The following EPHA5 variants were observed in gnomAD, a reference collection of about 807,000 sequenced individuals.
EPHA5 encodes ephrin type-A receptor 5.
Under a neutral mutation model 105.0 loss-of-function variants are expected in EPHA5, and 60 were observed. That is an observed-to-expected ratio of 0.57 (90% CI 0.46 to 0.71). EPHA5 has a LOEUF of 0.71. Among genes scored for constraint, EPHA5 ranks in the 30% least tolerant of loss-of-function variants. The pLI, the probability that EPHA5 is intolerant of heterozygous loss-of-function variation, is 0.00. For synonymous variants in EPHA5, 513 were observed against 449.1 expected (o/e 1.14, Z -1.80); for missense variants, 1,218 against 1,274.7 (o/e 0.96, Z 0.68).
intron 1 of EPHA5, among the ~76,000 whole-genome samples, chr4:65,644,728 A>C (rs1223775150): frequency 2.0e-5 from 3 of 152,070 alleles, no homozygotes; most frequent in Non-Finnish European, 2.9e-5. Context: ...TTAATGAGAC[A>C]AAAGCACGTT....
intron 3 of EPHA5, among the ~76,000 whole-genome samples, chr4:65,542,333 C>T (rs1314432351): frequency 6.6e-6 from 1 of 150,944 alleles, no homozygotes; most frequent in African/African-American, 2.4e-5. Context: ...AGATAATCCA[C>T]TAGCTAGACT....
intron 8 of EPHA5, among the ~76,000 whole-genome samples, chr4:65,377,391 C>G (rs996473969): frequency 6.6e-6 from 1 of 151,932 alleles, no homozygotes; most frequent in Non-Finnish European, 1.5e-5. Flanking sequence ...TCTAATATAT[C>G]TCTCCTCAGA....
At chr4:65,331,665 A>G in intron 16 of EPHA5, 1 of 1,116,066 alleles carries the variant, frequency 9.0e-7, no homozygotes, top group Non-Finnish European at 1.1e-6. Context: ...AGATACCAGT[A>G]TAAAAAAACT....
chr4:65,337,153 A>G (rs549937131), intron 14 of EPHA5, among the ~76,000 whole-genome samples: 1 of 152,212 alleles, frequency 6.6e-6, no homozygotes, highest in South Asian at 2.1e-4. Context: ...CACAGGTATA[A>G]AATATATAAT....
chr4:65,575,344 C>T, intron 3 of EPHA5, among the ~76,000 whole-genome samples: 1 of 152,138 alleles, frequency 6.6e-6, no homozygotes, highest in Non-Finnish European at 1.5e-5. Flanking sequence ...AAACCCCACT[C>T]CTTAACAACT....
chr4:65,380,470 C>T (rs779522649), intron 8 of EPHA5, among the ~76,000 whole-genome samples: 4 of 151,624 alleles, frequency 2.6e-5, no homozygotes, highest in Non-Finnish European at 5.9e-5. Context: ...GGTGATTATT[C>T]ATCTAGGGAA....
chr4:65,595,138 G>C (rs1743041750), intron 3 of EPHA5, among the ~76,000 whole-genome samples: 1 of 138,688 alleles, frequency 7.2e-6, no homozygotes. Context: ...TATGTTAAAT[G>C]CCACCATTTC....
chr4:65,519,926 C>T (rs966001148), intron 3 of EPHA5, among the ~76,000 whole-genome samples: 2 of 152,126 alleles, frequency 1.3e-5, no homozygotes, highest in Non-Finnish European at 2.9e-5. Flanking sequence ...TACGAAGAAT[C>T]AGTATTGTGA....
intron 3 of EPHA5, among the ~76,000 whole-genome samples, chr4:65,554,220 T>G (rs1008725340): frequency 3.4e-5 from 5 of 149,208 alleles, no homozygotes; most frequent in African/African-American, 1.2e-4. Flanking sequence ...CTTGAAAGCT[T>G]ATATATAAAA....
chr4:65,649,995 T>C (rs924696129), intron 1 of EPHA5, among the ~76,000 whole-genome samples: 1 of 152,194 alleles, frequency 6.6e-6, no homozygotes, highest in Non-Finnish European at 1.5e-5. Context: ...ACACCAAAAA[T>C]TCTTGATTAA....
intron 5 of EPHA5, among the ~76,000 whole-genome samples, chr4:65,468,591 A>C (rs112399023): frequency 0.37 from 20,079 of 53,872 alleles, 2,058 homozygotes; most frequent in East Asian, 0.5. Context: ...TAAAATATAT[A>C]TAATATATAT....
At chr4:65,554,565 A>G (rs1230690358) in intron 3 of EPHA5, among the ~76,000 whole-genome samples, 3 of 151,598 alleles carry the variant, frequency 2.0e-5, no homozygotes, top group Non-Finnish European at 4.4e-5. Context: ...TAATAAATGT[A>G]TAATGTGGAT....
intron 2 of EPHA5, among the ~76,000 whole-genome samples, chr4:65,619,287 T>C (rs1448847395): frequency 6.6e-6 from 1 of 152,210 alleles, no homozygotes; most frequent in East Asian, 1.9e-4. Flanking sequence ...TGAAAAACTA[T>C]CTCTAACAGA....
At chr4:65,597,073 C>A (rs1405881096) in intron 3 of EPHA5, among the ~76,000 whole-genome samples, 1 of 152,166 alleles carries the variant, frequency 6.6e-6, no homozygotes, top group Non-Finnish European at 1.5e-5. Context: ...GCTGTGCAAT[C>A]ATCTCCCAGT....
At chr4:65,574,627 CACATATATATAT>C (rs1740627394) in intron 3 of EPHA5, among the ~76,000 whole-genome samples, 1 of 85,262 alleles carries the variant, frequency 1.2e-5, no homozygotes, top group Non-Finnish European at 2.8e-5. Flanking sequence ...TATATATATA[CACATATATATAT>C]ACACATATAT....
intron 3 of EPHA5, among the ~76,000 whole-genome samples, chr4:65,505,628 C>T (rs924329208): frequency 6.6e-6 from 1 of 152,022 alleles, no homozygotes; most frequent in East Asian, 1.9e-4. Flanking sequence ...TGCACTCTCA[C>T]GTTAAGTTTT....
At chr4:65,419,504 T>G (rs1021104162) in intron 6 of EPHA5, among the ~76,000 whole-genome samples, 3 of 152,156 alleles carry the variant, frequency 2.0e-5, no homozygotes, top group Admixed American at 6.5e-5. Flanking sequence ...ACTTGTTCAT[T>G]TCTATTCCTA....
chr4:65,493,470 C>T (rs977519059), intron 4 of EPHA5, among the ~76,000 whole-genome samples: 2 of 152,072 alleles, frequency 1.3e-5, no homozygotes, highest in Non-Finnish European at 2.9e-5. Flanking sequence ...AGATCTTCAT[C>T]TGAACATCTA....
chr4:65,446,882 A>C (rs1726587768), intron 5 of EPHA5, among the ~76,000 whole-genome samples: 1 of 152,166 alleles, frequency 6.6e-6, no homozygotes, highest in Admixed American at 6.6e-5. Flanking sequence ...AGCCATATTA[A>C]AGAGTTTGAA....
Sources: gnomAD v4.1 joint callset for allele counts (sites outside exome capture counted in the v4.1 genomes callset) on GRCh38, gnomAD v4.1.1 for gene constraint, MANE v1.5 for transcripts, NCBI Gene and HGNC (gene_info 2026-07-23, HGNC 2026-07-21) for gene names.